PMFBP1: variants seen among roughly 807,000 people sequenced by gnomAD.
PMFBP1 encodes polyamine-modulated factor 1-binding protein 1.
PMFBP1 carries 131 observed loss-of-function variants against 137.8 expected under a neutral mutation model. That is an observed-to-expected ratio of 0.95 (90% confidence interval 0.82 to 1.10). PMFBP1 has a LOEUF of 1.10. Among genes scored for constraint, PMFBP1 ranks in the 50% least tolerant of loss-of-function variants. PMFBP1 has a pLI of 0.00. For missense variants in PMFBP1, 1,199 were observed against 1,175.4 expected (o/e 1.02, Z -0.29); for synonymous variants, 490 against 450.4 (o/e 1.09, Z -1.11).
chr16:72,166,459 A>G (rs1365771701), intron 2 of PMFBP1, among the ~76,000 whole-genome samples: 1 of 152,182 alleles, frequency 6.6e-6, no homozygotes, highest in Non-Finnish European at 1.5e-5. Flanking sequence ...CTCAGTCTCC[A>G]GTAGTTCTTT....
chr16:72,185,054 C>T, the PMFBP1 span, among the ~76,000 whole-genome samples: 5 of 149,784 alleles, frequency 3.3e-5, no homozygotes, highest in East Asian at 2.0e-4. Flanking sequence ...GACGGAGTCT[C>T]GCTGTGTCAC....
the PMFBP1 span, among the ~76,000 whole-genome samples, chr16:72,186,250 G>A: frequency 6.6e-6 from 1 of 152,262 alleles, no homozygotes; most frequent in South Asian, 2.1e-4. Flanking sequence ...TTCAAGTTCT[G>A]GAAGAAGCTC....
chr16:72,129,285 G>C, intron 12 of PMFBP1, 52 bp from the exon 13 acceptor site: 1 of 1,567,520 alleles, frequency 6.4e-7, no homozygotes. Flanking sequence ...TATTATATTT[G>C]GGGGAAAAAT....
At chr16:72,189,251 T>C in the PMFBP1 span, among the ~76,000 whole-genome samples, 1 of 152,166 alleles carries the variant, frequency 6.6e-6, no homozygotes, top group African/African-American at 2.4e-5. Flanking sequence ...ACACAGCTCA[T>C]CAATGCAGAA....
chr16:72,182,013 C>T, the PMFBP1 span, among the ~76,000 whole-genome samples: 3 of 152,284 alleles, frequency 2.0e-5, no homozygotes, highest in Admixed American at 6.5e-5. Context: ...AGAAAATTTA[C>T]GAAATTGTGT....
rs753715471 is a variant in PMFBP1, at chr16:72,128,748, C to T, written c.1997G>A (p.Arg666Gln). The T allele has an allele frequency of 2.4e-5, 39 of 1,613,976 alleles. 1 individual carries two copies. The highest frequency in any genetic ancestry group is 9.9e-5 in the South Asian group (9 of 91,070). ...RKLEEENENL[R>Q]AELQCCSTQL... ...TGTAGAACAACACTGTAGCTCTGCT[C>T]GGAGATTCTCATTTTCTTCCTCCAA... is the stretch of plus-strand genomic sequence containing the variant. The change falls in exon 14 of 21, where the codon CGA becomes CAA. Residue 666 changes from arginine (R) to glutamine (Q), a missense_variant. Transcript: ENST00000237353.
At chr16:72,182,675 G>C in the PMFBP1 span, among the ~76,000 whole-genome samples, 3 of 152,320 alleles carry the variant, frequency 2.0e-5, no homozygotes, top group African/African-American at 4.8e-5. Context: ...GATGAGAAGT[G>C]TAACTCCAAA....
chr16:72,183,634 T>C, the PMFBP1 span, among the ~76,000 whole-genome samples: 2 of 152,084 alleles, frequency 1.3e-5, no homozygotes, highest in Non-Finnish European at 2.9e-5. Flanking sequence ...CCAAATAAAG[T>C]CACATTCTCA....
upstream of PMFBP1, among the ~76,000 whole-genome samples, chr16:72,180,736 T>C (rs1451335338): frequency 6.6e-6 from 1 of 152,110 alleles, no homozygotes; most frequent in Non-Finnish European, 1.5e-5. Context: ...CAGAGGCCTT[T>C]GGCTAAACAG....
chr16:72,176,167 C>CT (rs748455728), upstream of PMFBP1, among the ~76,000 whole-genome samples: 23 of 152,136 alleles, frequency 1.5e-4, no homozygotes, highest in Non-Finnish European at 3.1e-4. Flanking sequence ...AATTCCAGGA[C>CT]TGGAGTTCTT....
At chr16:72,239,885 C>CAAAAAAAAAAAAAAA in the PMFBP1 span, among the ~76,000 whole-genome samples, 1 of 21,408 alleles carries the variant, frequency 4.7e-5, no homozygotes, top group African/African-American at 2.3e-4. Flanking sequence ...ACTCCATGTA[C>CAAAAAAAAAAAAAAA]AAAAAAAAAA....
the PMFBP1 span, among the ~76,000 whole-genome samples, chr16:72,233,734 G>A: frequency 2.4e-4 from 37 of 152,058 alleles, no homozygotes; most frequent in East Asian, 1.2e-3. Context: ...GCAGTCATTC[G>A]TCATTCCCTC....
At chr16:72,164,476 A>G in intron 3 of PMFBP1, 1 of 1,411,990 alleles carries the variant, frequency 7.1e-7, no homozygotes, top group Non-Finnish European at 9.4e-7. Context: ...TGATATTTTC[A>G]GGGCAATGAG....
chr16:72,223,344 T>C, the PMFBP1 span, among the ~76,000 whole-genome samples: 1 of 152,224 alleles, frequency 6.6e-6, no homozygotes, highest in Non-Finnish European at 1.5e-5. Flanking sequence ...CATTTTGTTT[T>C]AATCTTGTTT....
chr16:72,190,080 CG>C, the PMFBP1 span, among the ~76,000 whole-genome samples: 5 of 152,210 alleles, frequency 3.3e-5, no homozygotes, highest in Non-Finnish European at 4.4e-5. Flanking sequence ...TAGCAGCAAT[CG>C]GGGAAGTCAC....
chr16:72,174,268 G>A (rs558751181), upstream of PMFBP1, among the ~76,000 whole-genome samples: 8 of 152,292 alleles, frequency 5.3e-5, no homozygotes, highest in East Asian at 7.7e-4. Context: ...ATTACTCAGT[G>A]TTTTTGTTTA....
chr16:72,134,339 C>CCCCTGTTTAA (rs2042593002), intron 9 of PMFBP1, among the ~76,000 whole-genome samples: 1 of 152,116 alleles, frequency 6.6e-6, no homozygotes, highest in Admixed American at 6.5e-5. Flanking sequence ...TGTGCCACCA[C>CCCCTGTTTAA]ACTCAGCTAG....
intron 3 of PMFBP1, among the ~76,000 whole-genome samples, chr16:72,159,740 A>G (rs1345026811): frequency 6.6e-6 from 1 of 152,076 alleles, no homozygotes; most frequent in Non-Finnish European, 1.5e-5. Context: ...TTCACTTACA[A>G]ATGTGCTGAA....
In PMFBP1 at chr16:72,138,912, C is replaced by CG; in HGVS notation, c.918+376_918+377insC. Among the ~76,000 whole-genome samples, 3 of 120,160 alleles carry CG rather than the reference C, an allele frequency of 2.5e-5. No homozygotes were observed. In the South Asian group the frequency reaches 7.7e-4, roughly 31 times the overall value. The allele number at this position is 120,160 out of a possible 152,430, so 78.8% of individuals were successfully genotyped here. A position where few individuals can be genotyped will look rare whatever the true frequency, so the allele number is the denominator to read the frequency against. ...TTGAATTTTGCAAACACAGAGTTCTCAAAAAAAAAAAAAAAAGCAGGGGGA... is the reference window on the plus strand; with the variant it reads ...TTGAATTTTGCAAACACAGAGTTCTCGAAAAAAAAAAAAAAAAGCAGGGGGA... On this transcript the variant is annotated intron_variant, in intron 7 of 20. Transcript: ENST00000237353.
Sources: gnomAD v4.1 joint callset for allele counts (sites outside exome capture counted in the v4.1 genomes callset) on GRCh38, gnomAD v4.1.1 for gene constraint, MANE v1.5 for transcripts, NCBI Gene and HGNC (gene_info 2026-07-23, HGNC 2026-07-21) for gene names.